The following PTH2R variants were observed in gnomAD, a reference collection of about 807,000 sequenced individuals.
PTH2R encodes parathyroid hormone 2 receptor, also known as PTH2 receptor.
PTH2R carries 59 observed loss-of-function variants against 60.3 expected under a neutral mutation model. That is an observed-to-expected ratio of 0.98 (90% confidence interval 0.79 to 1.22). PTH2R has a LOEUF of 1.22. Among genes scored for constraint, PTH2R ranks in the 50% most tolerant of loss-of-function variants. PTH2R has a pLI of 0.00. For synonymous variants in PTH2R, 256 were observed against 243.8 expected, an observed-to-expected ratio of 1.05 and a Z score of -0.47; for missense variants, 749 against 682.6, an observed-to-expected ratio of 1.10 and a Z score of -1.08.
At chr2:208,385,055 GC>G (rs1164965872) in intron 1 of PTH2R, among the ~76,000 whole-genome samples, 1 of 152,094 alleles carries the variant, frequency 6.6e-6, no homozygotes, top group African/African-American at 2.4e-5. Flanking sequence ...AGAAATAAAA[GC>G]CCTGTACTTT....
intron 1 of PTH2R, among the ~76,000 whole-genome samples, chr2:208,408,943 T>G (rs975581571): frequency 5.9e-5 from 9 of 152,078 alleles, no homozygotes; most frequent in Admixed American, 3.3e-4. Context: ...GTGGGTGTGT[T>G]GTCCTGTATA....
chr2:208,364,890 A>G (rs1171941884), intron 1 of PTH2R, among the ~76,000 whole-genome samples: 1 of 152,002 alleles, frequency 6.6e-6, no homozygotes, highest in African/African-American at 2.4e-5. Context: ...TCCTTAGTCA[A>G]TTTCTAAGAA....
intron 1 of PTH2R, among the ~76,000 whole-genome samples, chr2:208,374,180 G>A (rs1700752435): frequency 6.6e-6 from 1 of 151,802 alleles, no homozygotes; most frequent in Non-Finnish European, 1.5e-5. Flanking sequence ...TTAGAAGACA[G>A]ACAAGTGAAA....
In PTH2R at chr2:208,407,254, G is replaced by T. The variant is rs966647481; in HGVS notation, c.75+136G>T. On this transcript the variant is annotated intron_variant, in intron 1 of 12. Transcript: ENST00000272847. ...CACAAACGCCCCGGCACGCACCGAG[G>T]CGTACCCGGCAGGTGCTGGCAGGCA... 4.8e-5 allele frequency: 32 copies of T among 672,442 alleles called. No homozygotes were observed. The African/African-American group carries it at 5.8e-4, about 12-fold the overall frequency. 41.7% of individuals were successfully genotyped at this position (672,442 alleles called of 1,614,324 possible).
chr2:208,409,121 A>G (rs1364251991), intron 1 of PTH2R, among the ~76,000 whole-genome samples: 2 of 152,164 alleles, frequency 1.3e-5, no homozygotes, highest in Non-Finnish European at 2.9e-5. Context: ...TTCCATTTAT[A>G]TCTATAGATT....
In PTH2R at chr2:208,442,479, CT is replaced by C; in HGVS notation, c.509+23del. 4 of 1,547,832 alleles carry C rather than the reference CT, an allele frequency of 2.6e-6. No individual in the cohort carries two copies. Among genetic ancestry groups the C allele is most frequent in the Non-Finnish European group, 2.7e-6 (3 of 1,119,960 alleles). ...TACTTCAGGTGAGTGATGCCCATCACTTTTTCCATGAAGGGGCACATTGTCT... is the reference window on the plus strand; with the variant it reads ...TACTTCAGGTGAGTGATGCCCATCACTTTTCCATGAAGGGGCACATTGTCT... On this transcript the variant is annotated intron_variant, in intron 5 of 12. Coordinates refer to ENST00000272847, the MANE Select transcript of PTH2R (RefSeq NM_005048.4).
At chr2:208,427,555 A>G (rs1485358062) in intron 1 of PTH2R, among the ~76,000 whole-genome samples, 1 of 152,218 alleles carries the variant, frequency 6.6e-6, no homozygotes, top group Non-Finnish European at 1.5e-5. Flanking sequence ...AGAAATCTCC[A>G]AAACTATATA....
chr2:208,442,768 C>G (rs1292723310), intron 5 of PTH2R, among the ~76,000 whole-genome samples: 1 of 152,086 alleles, frequency 6.6e-6, no homozygotes, highest in African/African-American at 2.4e-5. Flanking sequence ...TGCTATTGGA[C>G]AAAAATTCAT....
rs368989589 is a variant in PTH2R at position 208,427,772 on chromosome 2, G to A, written c.76-429G>A. 1.9e-4 allele frequency among the ~76,000 whole-genome samples: 29 copies of A among 151,834 alleles called. 1 individual carries two copies. The South Asian group carries it at 5.4e-3, about 28-fold the overall frequency. On this transcript the variant is annotated intron_variant, in intron 1 of 12. Coordinates refer to ENST00000272847, the MANE Select transcript of PTH2R (RefSeq NM_005048.4). Reference sequence around the variant, plus strand: ...GTTCCTCTGGAACCAACCACTCTTGGTACTAAATAAATTGTATCATGTTAG... The same window carrying A: ...GTTCCTCTGGAACCAACCACTCTTGATACTAAATAAATTGTATCATGTTAG...
At chr2:208,424,113 C>G (rs1203520687) in intron 1 of PTH2R, among the ~76,000 whole-genome samples, 1 of 152,166 alleles carries the variant, frequency 6.6e-6, no homozygotes, top group Non-Finnish European at 1.5e-5. Flanking sequence ...CTGACCCCCG[C>G]TCCAGCAGAG....
At chr2:208,414,855 G>A (rs1701608000) in intron 1 of PTH2R, among the ~76,000 whole-genome samples, 1 of 151,944 alleles carries the variant, frequency 6.6e-6, no homozygotes, top group South Asian at 2.1e-4. Flanking sequence ...TACCTCTGTG[G>A]TCTTCCCTTT....
At chr2:208,409,436 A>G (rs1025041039) in intron 1 of PTH2R, among the ~76,000 whole-genome samples, 3 of 152,236 alleles carry the variant, frequency 2.0e-5, no homozygotes, top group African/African-American at 7.2e-5. Context: ...TGCTGATATT[A>G]TTAGCTTAAG....
rs370791799 is a variant in PTH2R, at chr2:208,442,472, C to A, written c.509+11C>A. On this transcript the variant is annotated intron_variant, in intron 5 of 12. Coordinates refer to ENST00000272847, the MANE Select transcript of PTH2R (RefSeq NM_005048.4). ...CATTGGTTACTTCAGGTGAGTGATG[C>A]CCATCACTTTTTCCATGAAGGGGCA... is the stretch of plus-strand genomic sequence containing the variant. 4.7e-5 allele frequency: 74 copies of A among 1,567,246 alleles called. No individual in the cohort carries two copies. The highest frequency in any genetic ancestry group is 5.7e-5 in the Non-Finnish European group (65 of 1,137,690).
At chr2:208,492,726 G>T (rs1379053817) in intron 12 of PTH2R, among the ~76,000 whole-genome samples, 3 of 152,100 alleles carry the variant, frequency 2.0e-5, no homozygotes, top group Non-Finnish European at 4.4e-5. Flanking sequence ...CTATCATCAG[G>T]TGTGTGCTGG....
At chr2:208,489,228 C>T in intron 11 of PTH2R, 78 bp downstream of exon 11, 1 of 1,561,618 alleles carries the variant, frequency 6.4e-7, no homozygotes, top group South Asian at 1.2e-5. Context: ...ACCTTTTTCT[C>T]TGCACTCTCT....
chr2:208,451,350 A>T (rs1022086871), intron 8 of PTH2R, among the ~76,000 whole-genome samples: 1 of 152,270 alleles, frequency 6.6e-6, no homozygotes, highest in South Asian at 2.1e-4. Context: ...GTAGCTTCTG[A>T]ATTAGCCTGC....
chr2:208,364,716 G>A (rs1700544744), intron 1 of PTH2R, among the ~76,000 whole-genome samples: 1 of 152,074 alleles, frequency 6.6e-6, no homozygotes, highest in African/African-American at 2.4e-5. Context: ...AATGCTATTG[G>A]AATTTTGATA....
exon 1 of PTH2R, chr2:208,360,223 A>G: frequency 2.2e-6 from 1 of 454,086 alleles, no homozygotes. Flanking sequence ...AAAAAGGCAC[A>G]GGTTCCTTGA....
chr2:208,386,332 A>G (rs16841154), intron 1 of PTH2R, among the ~76,000 whole-genome samples: 3,296 of 152,326 alleles, frequency 0.022, 119 homozygotes, highest in African/African-American at 0.075. Context: ...AGCTATATAT[A>G]TGGTATTGAT....
Sources: allele counts gnomAD v4.1 joint callset (sites outside exome capture counted in the v4.1 genomes callset), GRCh38; gene constraint gnomAD v4.1.1; transcripts MANE v1.5; gene names NCBI Gene and HGNC (gene_info 2026-07-23, HGNC 2026-07-21).